The following DPP10 variants were observed in gnomAD, a reference collection of about 807,000 sequenced individuals.
The protein encoded by DPP10 is inactive dipeptidyl peptidase 10.
Under a neutral mutation model 120.9 loss-of-function variants are expected in DPP10, and 33 were observed. That is an observed-to-expected ratio of 0.27 (90% CI 0.21 to 0.37). The LOEUF (loss-of-function observed/expected upper bound fraction) is 0.37. DPP10 is among the 10% of genes least tolerant of loss of function. The pLI is 1.00. For synonymous variants in DPP10, 337 were observed against 326.1 expected (o/e 1.03, Z -0.36); for missense variants, 816 against 942.8 (o/e 0.87, Z 1.76).
At chr2:115,080,394 C>T (rs1708176192) in intron 1 of DPP10, among the ~76,000 whole-genome samples, 1 of 152,140 alleles carries the variant, frequency 6.6e-6, no homozygotes, top group South Asian at 2.1e-4. Flanking sequence ...TCCTTGTAAG[C>T]TTGGACACAA....
chr2:114,698,010 G>A (rs59914264), intron 1 of DPP10, among the ~76,000 whole-genome samples: 2,285 of 152,130 alleles, frequency 0.015, 52 homozygotes, highest in African/African-American at 0.052. Flanking sequence ...TTTCAGAGAT[G>A]TATAAAAGAA....
rs182998505 is a variant in DPP10, at chr2:115,676,594, G to T, written c.442-13093G>T. Among the ~76,000 whole-genome samples, 457 of 152,180 alleles carry T rather than the reference G, an allele frequency of 3.0e-3. 4 individuals carry two copies. Among genetic ancestry groups the T allele is most frequent in the African/African-American group, 0.011 (445 of 41,556 alleles). On this transcript the variant is annotated intron_variant, in intron 5 of 25. Transcript: ENST00000410059. ...CATCAATAGACTAAATTAAGTAGAA[G>T]AAAGAATTTCTGAACTTACAGACAG...
chr2:115,423,216 C>T (rs843381), intron 3 of DPP10, among the ~76,000 whole-genome samples: 94,925 of 151,600 alleles, frequency 0.63, 30,473 homozygotes, highest in Middle Eastern at 0.73. Flanking sequence ...TAAGAATGAC[C>T]CATGATTTAT....
rs191662942 is a variant in DPP10, at chr2:115,574,647, A to G, written c.441+48675A>G. Among the ~76,000 whole-genome samples, 676 of 152,270 alleles carry G rather than the reference A, an allele frequency of 4.4e-3. 2 individuals carry two copies. Among genetic ancestry groups the G allele is most frequent in the Non-Finnish European group, 7.8e-3 (529 of 68,014 alleles). ...TCATTGTCTGTTGAGTAAATATCTT[A>G]ATTGGTCTTCCACTAAGCTGTCAGC... On this transcript the variant is annotated intron_variant, in intron 5 of 25. Coordinates refer to ENST00000410059, the MANE Select transcript of DPP10 (RefSeq NM_020868.6).
intron 3 of DPP10, among the ~76,000 whole-genome samples, chr2:115,351,654 C>G (rs993446781): frequency 1.3e-5 from 2 of 152,064 alleles, no homozygotes; most frequent in African/African-American, 4.8e-5. Flanking sequence ...TCATGGTTAT[C>G]AAGGCTGACT....
At chr2:115,247,736 A>T (rs1026751634) in intron 1 of DPP10, among the ~76,000 whole-genome samples, 1 of 152,158 alleles carries the variant, frequency 6.6e-6, no homozygotes, top group Non-Finnish European at 1.5e-5. Flanking sequence ...ACAAAGAAAC[A>T]GAAATGCAGT....
chr2:115,762,012 G>A (rs1222133689), intron 11 of DPP10, among the ~76,000 whole-genome samples: 3 of 151,994 alleles, frequency 2.0e-5, no homozygotes, highest in Non-Finnish European at 4.4e-5. Context: ...TTTGCAATAT[G>A]ATTTTGGCTC....
intron 1 of DPP10, among the ~76,000 whole-genome samples, chr2:115,272,935 G>A (rs940496231): frequency 2.6e-5 from 4 of 152,210 alleles, no homozygotes; most frequent in African/African-American, 9.6e-5. Context: ...ACTTCAATCA[G>A]ATGTGAAGAG....
At chr2:114,924,296 G>A (rs1205745203) in intron 1 of DPP10, among the ~76,000 whole-genome samples, 2 of 152,116 alleles carry the variant, frequency 1.3e-5, no homozygotes, top group Non-Finnish European at 1.5e-5. Flanking sequence ...GAGGCCAAAG[G>A]CAGGTGGATT....
intron 7 of DPP10, among the ~76,000 whole-genome samples, chr2:115,690,539 A>C (rs994430869): frequency 2.0e-5 from 3 of 152,094 alleles, no homozygotes; most frequent in African/African-American, 7.2e-5. Flanking sequence ...CAGCCTCCTG[A>C]GTACTTGGGA....
intron 1 of DPP10, among the ~76,000 whole-genome samples, chr2:115,247,558 G>C (rs1425176672): frequency 6.6e-6 from 1 of 152,240 alleles, no homozygotes; most frequent in East Asian, 1.9e-4. Context: ...ATAGAAGAAT[G>C]TATTAGGGTG....
intron 1 of DPP10, among the ~76,000 whole-genome samples, chr2:114,603,758 C>G (rs1692561832): frequency 6.6e-6 from 1 of 152,036 alleles, no homozygotes. Flanking sequence ...TGTGTAAAAA[C>G]AGCACCTGTA....
chr2:115,578,674 A>G (rs2081833617), intron 5 of DPP10, among the ~76,000 whole-genome samples: 1 of 152,254 alleles, frequency 6.6e-6, no homozygotes, highest in African/African-American at 2.4e-5. Context: ...GATGCTAATC[A>G]TTACAGAAGC....
At chr2:115,513,457 ATTC>A (rs2077339312) in intron 4 of DPP10, among the ~76,000 whole-genome samples, 2 of 151,600 alleles carry the variant, frequency 1.3e-5, no homozygotes, top group African/African-American at 4.8e-5. Context: ...TTGTTTCTCC[ATTC>A]TTGGATTTCT....
chr2:115,511,701 T>TTTC (rs565620236), intron 4 of DPP10, among the ~76,000 whole-genome samples: 3,179 of 130,196 alleles, frequency 0.024, 154 homozygotes, highest in African/African-American at 0.074. Context: ...TTTTTTCTTC[T>TTTC]TTCTTCTTCT....
chr2:114,798,604 A>G (rs531947578), intron 1 of DPP10, among the ~76,000 whole-genome samples: 8 of 152,258 alleles, frequency 5.3e-5, no homozygotes, highest in African/African-American at 1.7e-4. Flanking sequence ...AAGCAGAGCT[A>G]AAGTGCAGTG....
intron 1 of DPP10, among the ~76,000 whole-genome samples, chr2:115,130,147 A>G (rs1002351257): frequency 2.0e-5 from 3 of 152,172 alleles, no homozygotes; most frequent in East Asian, 3.8e-4. Flanking sequence ...CCTCCCCTAT[A>G]GTTAGCTAGC....
intron 3 of DPP10, among the ~76,000 whole-genome samples, chr2:115,398,280 ATAAAATG>A (rs746900387): frequency 5.1e-4 from 77 of 152,144 alleles, no homozygotes; most frequent in Non-Finnish European, 9.7e-4. Context: ...TAAATATGTG[ATAAAATG>A]TATTGTAACT....
intron 1 of DPP10, among the ~76,000 whole-genome samples, chr2:115,088,609 AT>A (rs1559079761): frequency 6.6e-6 from 1 of 151,600 alleles, no homozygotes; most frequent in African/African-American, 2.4e-5. Context: ...TGCCTGATTG[AT>A]TTTTTTAAAA....
Sources: allele counts gnomAD v4.1 joint callset (sites outside exome capture counted in the v4.1 genomes callset), GRCh38; gene constraint gnomAD v4.1.1; transcripts MANE v1.5; gene names NCBI Gene and HGNC (gene_info 2026-07-23, HGNC 2026-07-21).